The following ARHGAP26 variants were observed in gnomAD, a reference collection of about 807,000 sequenced individuals.
The protein encoded by ARHGAP26 is Rho GTPase activating protein 26.
In ARHGAP26, 38 loss-of-function variants were observed where a neutral mutation model predicts 104.8. That is an observed-to-expected ratio of 0.36 (90% CI 0.28 to 0.48). ARHGAP26 has a LOEUF of 0.48. Ranked by LOEUF, ARHGAP26 falls within the 20% of genes least tolerant of loss-of-function variation. The pLI, the probability that ARHGAP26 is intolerant of heterozygous loss-of-function variation, is 0.99. For missense variants in ARHGAP26, 704 were observed against 947.9 expected (o/e 0.74, Z 3.38); for synonymous variants, 341 against 340.0 (o/e 1.00, Z -0.03).
At chr5:142,939,131 T>C (rs1765873246) in intron 11 of ARHGAP26, among the ~76,000 whole-genome samples, 1 of 152,118 alleles carries the variant, frequency 6.6e-6, no homozygotes, top group African/African-American at 2.4e-5. Context: ...CATACCCTTA[T>C]TTATGGAAGA....
At chr5:142,897,355 A>G (rs1046375994) in intron 6 of ARHGAP26, among the ~76,000 whole-genome samples, 5 of 152,250 alleles carry the variant, frequency 3.3e-5, no homozygotes, top group Non-Finnish European at 7.3e-5. Context: ...GAGGCTGGAT[A>G]TAGGATTCAG....
chr5:143,052,411 A>C (rs1785171947), intron 14 of ARHGAP26, among the ~76,000 whole-genome samples: 1 of 152,024 alleles, frequency 6.6e-6, no homozygotes, highest in African/African-American at 2.4e-5. Flanking sequence ...TGGAGGTTGC[A>C]GTGAGCCAAG....
At chr5:143,213,879 C>A in intron 21 of ARHGAP26, 118 bp from the exon 22 acceptor site, 2 of 538,642 alleles carry the variant, frequency 3.7e-6, no homozygotes, top group Non-Finnish European at 3.2e-6. Context: ...CCTTGCCAGG[C>A]ACTTCCCACG....
Position 142,993,106 on chromosome 5 carries a change from T to C in ARHGAP26, c.1108-20974T>C, listed in dbSNP as rs141573103. Among the ~76,000 whole-genome samples the C allele has an allele frequency of 3.9e-3, 594 of 150,950 alleles. 6 individuals carry two copies. Among genetic ancestry groups the C allele is most frequent in the Middle Eastern group, 0.024 (7 of 286 alleles). ...AAGCAATTCTCCTGCCTCAGCTTCC[T>C]GAGTAGCTGGGTTACAGGTGCCCAC... On this transcript the variant is annotated intron_variant, in intron 11 of 22. Transcript: ENST00000645722.
chr5:142,960,836 C>A (rs527794375), intron 11 of ARHGAP26, among the ~76,000 whole-genome samples: 3 of 152,356 alleles, frequency 2.0e-5, no homozygotes, highest in African/African-American at 7.2e-5. Context: ...TATTTCCCAC[C>A]TTGGGACTTT....
At chr5:143,116,429 C>T (rs1237382823) in intron 17 of ARHGAP26, among the ~76,000 whole-genome samples, 2 of 152,172 alleles carry the variant, frequency 1.3e-5, no homozygotes, top group Admixed American at 6.5e-5. Context: ...CACTCTAGGC[C>T]TCAAGATGAA....
At chr5:142,777,885 G>A (rs1044431823) in intron 1 of ARHGAP26, among the ~76,000 whole-genome samples, 2 of 152,226 alleles carry the variant, frequency 1.3e-5, no homozygotes, top group African/African-American at 2.4e-5. Flanking sequence ...TATTCTAAGT[G>A]TGATGGGCAG....
chr5:143,015,448 A>C (rs1779453394), intron 12 of ARHGAP26, among the ~76,000 whole-genome samples: 1 of 152,190 alleles, frequency 6.6e-6, no homozygotes, highest in Non-Finnish European at 1.5e-5. Flanking sequence ...CAAAGCTCTA[A>C]ACTGTTTGTA....
chr5:143,146,099 G>C (rs536835391), intron 19 of ARHGAP26, among the ~76,000 whole-genome samples: 1 of 152,252 alleles, frequency 6.6e-6, no homozygotes, highest in South Asian at 2.1e-4. Flanking sequence ...GCCTAGATAT[G>C]ATGTTTAAGT....
intron 10 of ARHGAP26, among the ~76,000 whole-genome samples, chr5:142,931,227 C>T (rs1764666915): frequency 6.6e-6 from 1 of 152,208 alleles, no homozygotes; most frequent in South Asian, 2.1e-4. Context: ...TGGGGACACT[C>T]TGGGATCTAT....
chr5:143,127,178 A>G (rs76333893), intron 18 of ARHGAP26, among the ~76,000 whole-genome samples: 1,642 of 152,326 alleles, frequency 0.011, 43 homozygotes, highest in African/African-American at 0.037. Context: ...TTGGTTCAAC[A>G]TGAAATTTCA....
intron 11 of ARHGAP26, among the ~76,000 whole-genome samples, chr5:142,984,289 T>C (rs1230048391): frequency 6.6e-6 from 1 of 152,226 alleles, no homozygotes; most frequent in East Asian, 1.9e-4. Context: ...GAGGAGTGTG[T>C]GTTTTCAGCT....
intron 17 of ARHGAP26, among the ~76,000 whole-genome samples, chr5:143,094,357 G>A (rs1011700766): frequency 4.6e-5 from 7 of 152,038 alleles, no homozygotes; most frequent in Non-Finnish European, 7.4e-5. Flanking sequence ...TTTTTCCCTC[G>A]CGTTGCTGAG....
At chr5:142,964,264 C>T (rs1408935214) in intron 11 of ARHGAP26, among the ~76,000 whole-genome samples, 5 of 152,246 alleles carry the variant, frequency 3.3e-5, no homozygotes, top group South Asian at 2.1e-4. Context: ...GTTTCCCAAA[C>T]TTTAGTTTTC....
intron 20 of ARHGAP26, among the ~76,000 whole-genome samples, chr5:143,157,592 G>A (rs1399108842): frequency 6.6e-6 from 1 of 152,170 alleles, no homozygotes; most frequent in African/African-American, 2.4e-5. Context: ...GATTTCTACA[G>A]CACTTCTCTT....
intron 1 of ARHGAP26, among the ~76,000 whole-genome samples, chr5:142,851,306 A>C (rs2152264715): frequency 6.6e-6 from 1 of 152,282 alleles, no homozygotes; most frequent in South Asian, 2.1e-4. Flanking sequence ...CATGTTGGCC[A>C]GGCTGGTCTT....
chr5:143,125,459 A>C (rs1181747188), intron 18 of ARHGAP26, among the ~76,000 whole-genome samples: 1 of 152,210 alleles, frequency 6.6e-6, no homozygotes, highest in Non-Finnish European at 1.5e-5. Flanking sequence ...GGTCAGATAG[A>C]GTGCACTAAC....
At chr5:143,163,475 G>C (rs1463561643) in intron 20 of ARHGAP26, among the ~76,000 whole-genome samples, 1 of 149,014 alleles carries the variant, frequency 6.7e-6, no homozygotes, top group African/African-American at 2.5e-5. Flanking sequence ...TTTTAAGATG[G>C]AGTCTTGCTC....
chr5:143,097,491 G>A (rs761397222), intron 17 of ARHGAP26, among the ~76,000 whole-genome samples: 1 of 151,182 alleles, frequency 6.6e-6, no homozygotes, highest in Non-Finnish European at 1.5e-5. Flanking sequence ...CTGAGAATTT[G>A]ACAAATTCTG....
Sources: gnomAD v4.1 joint callset for allele counts (sites outside exome capture counted in the v4.1 genomes callset) on GRCh38, gnomAD v4.1.1 for gene constraint, MANE v1.5 for transcripts, NCBI Gene and HGNC (gene_info 2026-07-23, HGNC 2026-07-21) for gene names.